MYO1F: variants seen among roughly 807,000 people sequenced by gnomAD.
MYO1F encodes the protein unconventional myosin-If.
Under a neutral mutation model 146.6 loss-of-function variants are expected in MYO1F, and 60 were observed. The observed-to-expected ratio is 0.41, with a 90% CI of 0.33 to 0.51. The LOEUF is 0.51. MYO1F is among the 20% of genes least tolerant of loss of function. The probability of loss-of-function intolerance (pLI) is 0.25; values close to 1 mark genes in which losing one functional copy is unlikely to be tolerated. For synonymous variants in MYO1F, 602 were observed against 602.1 expected, an observed-to-expected ratio of 1.00 and a Z score of 0.00; for missense variants, 1,274 against 1,534.3, an observed-to-expected ratio of 0.83 and a Z score of 2.83.
chr19:8,536,927 T>C, intron 17 of MYO1F, 22 bp downstream of exon 17: 2 of 1,274,128 alleles, frequency 1.6e-6, no homozygotes, highest in Non-Finnish European at 1.0e-6. Flanking sequence ...GAATGAATCT[T>C]GGATTGGTTG....
intron 1 of MYO1F, among the ~76,000 whole-genome samples, chr19:8,576,283 G>A (rs2042238016): frequency 6.6e-6 from 1 of 152,186 alleles, no homozygotes; most frequent in South Asian, 2.1e-4. Flanking sequence ...ACAGGCATGA[G>A]CCACTGTCCC....
At chr19:8,567,432 G>C (rs945763740) in intron 1 of MYO1F, among the ~76,000 whole-genome samples, 1 of 151,816 alleles carries the variant, frequency 6.6e-6, no homozygotes, top group Non-Finnish European at 1.5e-5. Flanking sequence ...GCAGTGGCAC[G>C]ATCTCAGCTC....
At chr19:8,546,973 C>T (rs1973385875) in intron 12 of MYO1F, among the ~76,000 whole-genome samples, 1 of 152,004 alleles carries the variant, frequency 6.6e-6, no homozygotes, top group South Asian at 2.1e-4. Flanking sequence ...GCCACTGCAC[C>T]CAGCCTCTCT....
At position 8,545,631 on chromosome 19, in the gene MYO1F, A is replaced by C. The variant is rs933858999; in HGVS notation, c.1356+19T>G. 22 of 1,609,142 alleles carry C rather than the reference A, an allele frequency of 1.4e-5. No homozygotes were observed. The Middle Eastern group carries it at 2.2e-3, about 158-fold the overall frequency. On this transcript the variant is annotated intron_variant, in intron 13 of 27. Coordinates refer to ENST00000644032, the MANE Select transcript of MYO1F (RefSeq NM_012335.4). ...GGGGACCAGTGAGACGCCCCCGCCAAAGTTGACCCAGCCCTCACCAGCTTG... is the reference window on the plus strand; with the variant it reads ...GGGGACCAGTGAGACGCCCCCGCCACAGTTGACCCAGCCCTCACCAGCTTG...
At chr19:8,549,139 C>G (rs137859878) in intron 10 of MYO1F, among the ~76,000 whole-genome samples, 1 of 151,108 alleles carries the variant, frequency 6.6e-6, no homozygotes, top group African/African-American at 2.4e-5. Flanking sequence ...TTAGTAGAGA[C>G]GGGGTTTTGC....
chr19:8,529,319 C>T (rs1972388627), intron 21 of MYO1F, among the ~76,000 whole-genome samples: 2 of 151,904 alleles, frequency 1.3e-5, no homozygotes, highest in Non-Finnish European at 1.5e-5. Context: ...GTACCTGGCC[C>T]GCCCAGGTAC....
chr19:8,527,314 C>T (rs751671950), intron 22 of MYO1F, 24 bp downstream of exon 22: 26 of 1,613,514 alleles, frequency 1.6e-5, no homozygotes, highest in Middle Eastern at 1.7e-4. Flanking sequence ...AGTGACTGTG[C>T]GGCAGGTAAG....
At chr19:8,540,225 G>A in intron 15 of MYO1F, 197 bp from the exon 16 acceptor site, 1 of 530,226 alleles carries the variant, frequency 1.9e-6, no homozygotes, top group Non-Finnish European at 3.3e-6. Context: ...TGTCCTCCAG[G>A]TTGGGGCGCA....
intron 10 of MYO1F, 132 bp downstream of exon 10, chr19:8,550,027 TG>T: frequency 1.9e-6 from 2 of 1,027,000 alleles, no homozygotes; most frequent in South Asian, 1.4e-5. Context: ...CTTGAACTTC[TG>T]GCCTCAAAGA....
chr19:8,543,709 T>C (rs1476230923), intron 14 of MYO1F, among the ~76,000 whole-genome samples: 27 of 15,840 alleles, frequency 1.7e-3, no homozygotes, highest in Non-Finnish European at 2.7e-3. Flanking sequence ...GTGGTGGTGC[T>C]GGTGGTGGTG....
chr19:8,528,569 C>G (rs906656911), intron 21 of MYO1F, among the ~76,000 whole-genome samples: 13 of 151,776 alleles, frequency 8.6e-5, no homozygotes, highest in Admixed American at 7.2e-4. Flanking sequence ...CTCAAAAAAA[C>G]AAAAAAGAAA....
chr19:8,540,608 G>T lies in MYO1F; in HGVS notation c.1611-580C>A, dbSNP rs147339116. 186 of 152,034 alleles carry T rather than the reference G, an allele frequency of 1.2e-3. 1 individual carries two copies. In the East Asian group the frequency reaches 0.03, roughly 25 times the overall value. The allele number at this position is 152,034 out of a possible 1,614,324, so 9.4% of individuals were successfully genotyped here. ...GTCTATAATCCCAGCTACTCGGGAG[G>T]CTGAGGCAGGAGAATCGCTTGAACC... On this transcript the variant is annotated intron_variant, in intron 15 of 27. Transcript: ENST00000644032.
intron 1 of MYO1F, chr19:8,576,499 G>C (rs1420220714): frequency 6.5e-6 from 1 of 153,532 alleles, no homozygotes; most frequent in African/African-American, 2.4e-5. Context: ...AGAGAGCTGT[G>C]GGGTGGGGTC....
In MYO1F at chr19:8,548,056, G is replaced by T. The variant is rs1298255176; in HGVS notation, c.1249C>A (p.Leu417Ile). ...NEKLQQIFIE[L>I]TLKAEQEEYV... The stretch of plus-strand genomic sequence containing the variant: ...CCCACCTGCTCGGCCTTCAGGGTAA[G>T]TTCGATAAAGATTTGCTGCAGCTTC... The change falls in exon 12 of 28, where the codon CTT becomes ATT. Residue 417 changes from leucine (L) to isoleucine (I), a missense_variant. By Grantham distance (5) the Leu-to-Ile change is conservative (BLOSUM62 2). Coordinates refer to ENST00000644032, the MANE Select transcript of MYO1F (RefSeq NM_012335.4). 1 of 1,611,428 alleles carries T rather than the reference G, an allele frequency of 6.2e-7. No individual in the cohort carries two copies. Among genetic ancestry groups the T allele is most frequent in the Non-Finnish European group, 8.5e-7 (1 of 1,178,910 alleles).
Position 8,551,795 on chromosome 19 carries a change from G to A in MYO1F, c.716C>T (p.Ser239Leu), listed in dbSNP as rs760465599. 1.3e-5 allele frequency: 21 copies of A among 1,614,046 alleles called. No homozygotes were observed. Among genetic ancestry groups the A allele is most frequent in the African/African-American group, 1.1e-4 (8 of 74,916 alleles). ...TPDYYYYLNQSDTYQVDGTDD... is the reference protein window; with the variant it reads ...TPDYYYYLNQLDTYQVDGTDD... ...CGTGCCGTCCACCTGGTAGGTGTCC[G>A]ATTGGTTGAGGTAGTAATAGTAGTC... Residue 239 changes from serine to leucine, a missense_variant, in exon 8 of 28, where the codon TCG becomes TTG. Ser to Leu is a moderately radical substitution (Grantham distance 145). Around this residue, in one of 2 missense-constraint regions of MYO1F, gnomAD observed 900 missense variants for 1,155.1 expected, o/e 0.78. Coordinates refer to ENST00000644032, the MANE Select transcript of MYO1F (RefSeq NM_012335.4).
chr19:8,521,408 C>G lies in MYO1F; in HGVS notation c.*120G>C, dbSNP rs1045265639. On this transcript the variant is annotated 3_prime_UTR_variant, in exon 28 of 28. Coordinates refer to ENST00000644032, the MANE Select transcript of MYO1F (RefSeq NM_012335.4). ...CTGGGCAGGACTGGAGGCCAAAGGACTGGACTTTTAGGCTATTGCAGCCCA... is the reference window on the plus strand; with the variant it reads ...CTGGGCAGGACTGGAGGCCAAAGGAGTGGACTTTTAGGCTATTGCAGCCCA... 2.2e-5 allele frequency: 24 copies of G among 1,084,602 alleles called. No individual in the cohort carries two copies. The highest frequency in any genetic ancestry group is 4.3e-4 in the Middle Eastern group (2 of 4,644). 67.2% of individuals were successfully genotyped at this position (1,084,602 alleles called of 1,614,324 possible).
At chr19:8,568,491 A>G (rs1257187214) in intron 1 of MYO1F, among the ~76,000 whole-genome samples, 2 of 150,582 alleles carry the variant, frequency 1.3e-5, no homozygotes, top group Non-Finnish European at 2.9e-5. Context: ...GTTTTGCTCA[A>G]GTGAATATCG....
Position 8,545,932 on chromosome 19 carries a change from G to A in MYO1F, c.1270-196C>T, listed in dbSNP as rs114767281. ...AGCAGTCCTTGACCAATAATCAACA[G>A]GAGTGGGTGGATAAATACCCCAGCT... On this transcript the variant is annotated intron_variant, in intron 12 of 27. Coordinates refer to ENST00000644032, the MANE Select transcript of MYO1F (RefSeq NM_012335.4). Among the ~76,000 whole-genome samples, 403 of 152,220 alleles carry A rather than the reference G, an allele frequency of 2.6e-3. 2 individuals carry two copies. The highest frequency in any genetic ancestry group is 9.1e-3 in the African/African-American group (376 of 41,538).
chr19:8,551,995 C>T (rs769593150), intron 7 of MYO1F, 38 bp downstream of exon 7: 1 of 1,613,898 alleles, frequency 6.2e-7, no homozygotes, highest in Non-Finnish European at 8.5e-7. Flanking sequence ...CGCTGGGCTC[C>T]AGGTGGTGCT....
Sources: gnomAD v4.1 joint callset for allele counts (sites outside exome capture counted in the v4.1 genomes callset) on GRCh38, gnomAD v4.1.1 for gene constraint, gnomAD v4.1.1 regional missense constraint, MANE v1.5 for transcripts, NCBI Gene and HGNC (gene_info 2026-07-23, HGNC 2026-07-21) for gene names.